The following KIR2DL4 variants were observed in gnomAD, a reference collection of about 807,000 sequenced individuals.
KIR2DL4 encodes killer cell immunoglobulin-like receptor 2DL4.
Under a neutral mutation model 31.0 loss-of-function variants are expected in KIR2DL4, and 41 were observed. The observed-to-expected ratio is 1.32, with a 90% CI of 1.03 to 1.72. The LOEUF is 1.72. KIR2DL4 is among the 40% of genes most tolerant of loss of function. The pLI is 0.00. For synonymous variants in KIR2DL4, 164 were observed against 133.6 expected, an observed-to-expected ratio of 1.23 and a Z score of -1.57; for missense variants, 438 against 353.7, an observed-to-expected ratio of 1.24 and a Z score of -1.91.
At chr19:54,808,111 T>G (rs2060634773) in intron 4 of KIR2DL4, among the ~76,000 whole-genome samples, 1 of 150,716 alleles carries the variant, frequency 6.6e-6, no homozygotes, top group African/African-American at 2.5e-5. Flanking sequence ...CTCAGATGCA[T>G]AGTTTGCAAA....
chr19:54,814,337 T>G, exon 8 of KIR2DL4: 1 of 563,148 alleles, frequency 1.8e-6, no homozygotes. Flanking sequence ...GAACTCACAA[T>G]TCCAAACATA....
intron 5 of KIR2DL4, among the ~76,000 whole-genome samples, chr19:54,809,955 G>A (rs1282610125): frequency 1.3e-5 from 2 of 149,416 alleles, no homozygotes; most frequent in Non-Finnish European, 3.0e-5. Flanking sequence ...TTGGGGTGGG[G>A]CGGCATTCTT....
At chr19:54,803,776 A>C (rs2060322040) in intron 1 of KIR2DL4, 85 bp downstream of exon 1, 1 of 1,572,524 alleles carries the variant, frequency 6.4e-7, no homozygotes, top group Non-Finnish European at 8.7e-7. Flanking sequence ...CATGTTCTGA[A>C]GCAAGTGAGT....
chr19:54,804,643 G>A (rs544084384), intron 2 of KIR2DL4, 150 bp from the exon 3 acceptor site: 13 of 749,904 alleles, frequency 1.7e-5, no homozygotes, highest in Admixed American at 2.7e-5. Flanking sequence ...GAGACGCCAC[G>A]TCTATGCGGG....
chr19:54,807,785 C>T lies in KIR2DL4; in HGVS notation c.656-1048C>T, dbSNP rs1254197899. ...TCCATATTCTTCTCCTCTGTAATGG[C>T]TGTATTAATTTACATTCCTATCAAC... is the stretch of plus-strand genomic sequence containing the variant. On this transcript the variant is annotated intron_variant, in intron 4 of 7. Coordinates refer to ENST00000359085, the Ensembl canonical transcript of KIR2DL4. Among the ~76,000 whole-genome samples, 7 of 148,880 alleles carry T rather than the reference C, an allele frequency of 4.7e-5. No homozygotes were observed. The South Asian group carries it at 1.1e-3, about 23-fold the overall frequency.
intron 5 of KIR2DL4, among the ~76,000 whole-genome samples, chr19:54,810,231 C>T (rs1357996182): frequency 1.3e-5 from 2 of 150,696 alleles, no homozygotes; most frequent in African/African-American, 4.9e-5. Flanking sequence ...CGATTCTCTA[C>T]ACTCAGCTTC....
rs919803521 is a variant in KIR2DL4 at position 54,805,098 on chromosome 19, G to C, written c.361+21G>C. The C allele has an allele frequency of 2.7e-5, 43 of 1,572,738 alleles. 1 individual carries two copies. The highest frequency in any genetic ancestry group is 2.6e-4 in the South Asian group (22 of 85,796). On this transcript the variant is annotated intron_variant, in intron 3 of 7. Transcript: ENST00000359085. The stretch of plus-strand genomic sequence containing the variant: ...CACAGGTCAGAGGGCTCCTGTCTGG[G>C]CTTCTCCTTGTCCCACCTCCTGAGT...
In KIR2DL4 at chr19:54,811,335, T is replaced by C. The variant is rs541104573; in HGVS notation, c.707-1790T>C. ...ATGGCTTCAACCAGGGAGGGAGAGG[T>C]TACAGTGAGCCAAGATCGCGTCATT... On this transcript the variant is annotated intron_variant, in intron 5 of 7. Coordinates refer to ENST00000359085, the Ensembl canonical transcript of KIR2DL4. Among the ~76,000 whole-genome samples the C allele has an allele frequency of 6.0e-5, 9 of 150,480 alleles. No individual in the cohort carries two copies. The South Asian group carries it at 1.9e-3, about 32-fold the overall frequency.
exon 3 of KIR2DL4, chr19:54,804,955 A>G: frequency 6.2e-7 from 1 of 1,612,248 alleles, no homozygotes; most frequent in Non-Finnish European, 8.5e-7. Flanking sequence ...ATATTCTGGA[A>G]CAGTTTCCTC....
chr19:54,809,687 A>G (rs1480278862), intron 5 of KIR2DL4, among the ~76,000 whole-genome samples: 2 of 151,136 alleles, frequency 1.3e-5, no homozygotes, highest in African/African-American at 4.9e-5. Context: ...CGCCTCTCAC[A>G]CGGCATCACT....
At chr19:54,813,634 A>G in intron 6 of KIR2DL4, 56 bp from the exon 6 acceptor site, 1 of 1,566,206 alleles carries the variant, frequency 6.4e-7, no homozygotes, top group Non-Finnish European at 8.8e-7. Context: ...TCTGTTCATG[A>G]AATGAGGACC....
chr19:54,812,499 C>A (rs2060921723), intron 5 of KIR2DL4, among the ~76,000 whole-genome samples: 1 of 150,890 alleles, frequency 6.6e-6, no homozygotes, highest in African/African-American at 2.5e-5. Flanking sequence ...CTGTCTTAGC[C>A]TATTTTTGTT....
intron 5 of KIR2DL4, among the ~76,000 whole-genome samples, chr19:54,809,344 A>T (rs1219750519): frequency 6.6e-6 from 1 of 150,788 alleles, no homozygotes; most frequent in Non-Finnish European, 1.5e-5. Context: ...AACGTAGTTC[A>T]TCCGTGCACA....
chr19:54,809,244 G>C (rs2147937833), intron 5 of KIR2DL4, among the ~76,000 whole-genome samples: 1 of 150,382 alleles, frequency 6.6e-6, no homozygotes, highest in East Asian at 1.9e-4. Context: ...TGTATTTGTA[G>C]AGAAGTTCTA....
chr19:54,809,015 C>G, intron 5 of KIR2DL4, 132 bp downstream of exon 5: 3 of 796,566 alleles, frequency 3.8e-6, no homozygotes, highest in Non-Finnish European at 6.7e-6. Context: ...GAACCCCAGA[C>G]ACTCCAACAG....
chr19:54,803,793 G>A, intron 1 of KIR2DL4, 98 bp from the exon 2 acceptor site: 1 of 1,566,320 alleles, frequency 6.4e-7, no homozygotes, highest in Non-Finnish European at 8.8e-7. Context: ...GAGTGGTGAG[G>A]ATGAGTTAAT....
exon 6 of KIR2DL4, chr19:54,813,138 C>A (rs775301250): frequency 5.3e-6 from 8 of 1,498,652 alleles, no homozygotes; most frequent in Middle Eastern, 1.8e-4. Flanking sequence ...TCGCCAGACA[C>A]CTGCATGCTG....
intron 3 of KIR2DL4, 93 bp from the exon 4 acceptor site, chr19:54,805,858 C>A: frequency 4.8e-6 from 5 of 1,040,592 alleles, no homozygotes; most frequent in Non-Finnish European, 5.6e-6. Flanking sequence ...GAGCACTAGG[C>A]CATAGAGCAG....
In KIR2DL4 at chr19:54,809,968, C is replaced by G. The variant is rs568087247; in HGVS notation, c.706+1085C>G. Among the ~76,000 whole-genome samples the G allele has an allele frequency of 6.3e-4, 94 of 149,686 alleles. 2 individuals are homozygous for G. The highest frequency in any genetic ancestry group is 3.5e-3 in the Admixed American group (52 of 14,996). On this transcript the variant is annotated intron_variant, in intron 5 of 7. Transcript: ENST00000359085. ...TTTTGGGGTGGGGCGGCATTCTTAT[C>G]CTTTCCACAAATGGTAAACAAGGTG...
Sources: allele counts gnomAD v4.1 joint callset (sites outside exome capture counted in the v4.1 genomes callset), GRCh38; gene constraint gnomAD v4.1.1; transcripts MANE v1.5; gene names NCBI Gene and HGNC (gene_info 2026-07-23, HGNC 2026-07-21).